The following TENM3 variants were observed in gnomAD, a reference collection of about 807,000 sequenced individuals.
TENM3 encodes teneurin transmembrane protein 3.
TENM3 carries 63 observed loss-of-function variants against 255.1 expected under a neutral mutation model. The ratio of observed to expected loss-of-function variants is 0.25; its 90% CI spans 0.20 to 0.30. The LOEUF (loss-of-function observed/expected upper bound fraction) is 0.30, where lower values mean the gene tolerates loss of function less well. Ranked by LOEUF, TENM3 falls within the 10% of genes least tolerant of loss-of-function variation. The pLI is 1.00. For missense variants in TENM3, 2,929 were observed against 3,461.1 expected (o/e 0.85, Z 3.86); for synonymous variants, 1,306 against 1,322.3 (o/e 0.99, Z 0.27).
chr4:182,311,042 G>A (rs1053739181), intron 1 of TENM3, among the ~76,000 whole-genome samples: 5 of 152,204 alleles, frequency 3.3e-5, no homozygotes, highest in Non-Finnish European at 5.9e-5. Context: ...TACCAAGGCT[G>A]TGATGGAAGA....
chr4:181,941,162 C>T, the TENM3 span, among the ~76,000 whole-genome samples: 2 of 152,170 alleles, frequency 1.3e-5, no homozygotes, highest in Non-Finnish European at 2.9e-5. Flanking sequence ...CTACTAGCCA[C>T]GTATGAGATC....
chr4:181,525,806 C>T, the TENM3 span, among the ~76,000 whole-genome samples: 1 of 152,170 alleles, frequency 6.6e-6, no homozygotes, highest in Non-Finnish European at 1.5e-5. Context: ...ATGAGGGCAG[C>T]TGGGTGAGTG....
the TENM3 span, among the ~76,000 whole-genome samples, chr4:181,471,683 C>T: frequency 2.6e-5 from 4 of 152,126 alleles, no homozygotes; most frequent in East Asian, 1.9e-4. Flanking sequence ...TCCTAATATT[C>T]GCTATATAAG....
the TENM3 span, among the ~76,000 whole-genome samples, chr4:181,854,710 G>A: frequency 6.6e-6 from 1 of 152,056 alleles, no homozygotes; most frequent in African/African-American, 2.4e-5. Flanking sequence ...GGTCAGTAGG[G>A]CCCAAGAAGT....
intron 3 of TENM3, among the ~76,000 whole-genome samples, chr4:182,448,842 G>C (rs1307523223): frequency 6.6e-6 from 1 of 151,100 alleles, no homozygotes; most frequent in South Asian, 2.1e-4. Context: ...CGGCCGAGCC[G>C]GGGCGCTGGG....
intron 1 of TENM3, among the ~76,000 whole-genome samples, chr4:182,165,020 C>T (rs1751612120): frequency 6.6e-6 from 1 of 152,132 alleles, no homozygotes; most frequent in Non-Finnish European, 1.5e-5. Context: ...ACACTAATGC[C>T]AGGATTTTGC....
intron 3 of TENM3, among the ~76,000 whole-genome samples, chr4:182,499,262 A>C (rs1198510937): frequency 6.6e-6 from 1 of 152,240 alleles, no homozygotes. Context: ...TAGGGTAACA[A>C]AAAAGAAAAT....
At chr4:182,703,706 A>C (rs921250656) in intron 12 of TENM3, among the ~76,000 whole-genome samples, 9 of 152,230 alleles carry the variant, frequency 5.9e-5, no homozygotes, top group African/African-American at 2.2e-4. Context: ...AGTTAAAAGG[A>C]TTGTTCAGTT....
the TENM3 span, among the ~76,000 whole-genome samples, chr4:181,598,002 G>A: frequency 6.6e-6 from 1 of 152,256 alleles, no homozygotes; most frequent in Non-Finnish European, 1.5e-5. Flanking sequence ...ATCTCTGCAG[G>A]CTTCTGGCAG....
At chr4:182,719,853 G>C (rs187502281) in intron 13 of TENM3, among the ~76,000 whole-genome samples, 4 of 152,230 alleles carry the variant, frequency 2.6e-5, no homozygotes, top group Non-Finnish European at 4.4e-5. Context: ...TTGAGCCCAG[G>C]AGTTTGATAT....
chr4:181,883,126 C>CTTTT, the TENM3 span, among the ~76,000 whole-genome samples: 887 of 106,736 alleles, frequency 8.3e-3, 59 homozygotes, highest in African/African-American at 0.03. Flanking sequence ...TGCAATTAAT[C>CTTTT]TTTTTTTTTT....
chr4:182,608,487 C>T (rs1306528862), intron 4 of TENM3, among the ~76,000 whole-genome samples: 1 of 152,066 alleles, frequency 6.6e-6, no homozygotes, highest in Non-Finnish European at 1.5e-5. Flanking sequence ...GTTTATTTTC[C>T]ACGAGGTGCA....
Position 182,775,088 on chromosome 4 carries a change from G to A in TENM3, c.5239G>A (p.Val1747Met), listed in dbSNP as rs766315128. The A allele has an allele frequency of 6.2e-7, 1 of 1,613,910 alleles. No homozygotes were observed. Among genetic ancestry groups the A allele is most frequent in the Non-Finnish European group, 8.5e-7 (1 of 1,179,910 alleles). Reference sequence around the variant, plus strand: ...GCCTGGCGAGAACGGTCAAAACTTGGTGGAATGGAGATTCCGAAAAGAGCA... The same window carrying A: ...GCCTGGCGAGAACGGTCAAAACTTGATGGAATGGAGATTCCGAAAAGAGCA... ...TLPGENGQNL[V>M]EWRFRKEQAQ... is the part of the protein sequence containing the mutation. Residue 1747 changes from valine (V) to methionine (M), a missense_variant, in exon 24 of 28, where the codon GTG (valine) becomes ATG (methionine). This residue lies in a region of TENM3 where 303 missense variants were observed against 425.2 expected (regional missense o/e 0.71). Transcript: ENST00000511685.
At chr4:182,437,545 C>G (rs1234238902) in intron 3 of TENM3, among the ~76,000 whole-genome samples, 1 of 152,032 alleles carries the variant, frequency 6.6e-6, no homozygotes, top group African/African-American at 2.4e-5. Context: ...GCCTGTAATC[C>G]CAACACTTTG....
chr4:182,687,028 G>C (rs1320171718), intron 11 of TENM3, among the ~76,000 whole-genome samples: 2 of 152,100 alleles, frequency 1.3e-5, no homozygotes, highest in Non-Finnish European at 2.9e-5. Flanking sequence ...GCCTTGATAA[G>C]GTGTTTAGCC....
the TENM3 span, among the ~76,000 whole-genome samples, chr4:181,549,194 C>G: frequency 1.6e-4 from 25 of 152,284 alleles, no homozygotes; most frequent in Non-Finnish European, 2.8e-4. Context: ...CCAGAGGTCC[C>G]TTTGACTAGG....
intron 3 of TENM3, among the ~76,000 whole-genome samples, chr4:182,561,292 A>G (rs1196976907): frequency 6.6e-6 from 1 of 151,750 alleles, no homozygotes; most frequent in East Asian, 1.9e-4. Flanking sequence ...GTAAATAAAA[A>G]TGATTTTAAA....
intron 6 of TENM3, among the ~76,000 whole-genome samples, chr4:182,660,183 G>A (rs929501392): frequency 6.6e-6 from 1 of 152,168 alleles, no homozygotes; most frequent in African/African-American, 2.4e-5. Context: ...ATAAGGCAAG[G>A]ATCCTGTCTG....
chr4:182,089,414 G>A, the TENM3 span, among the ~76,000 whole-genome samples: 1 of 152,024 alleles, frequency 6.6e-6, no homozygotes, highest in Admixed American at 6.6e-5. Context: ...GATTGAAATG[G>A]GTATGCCCCA....
Sources: allele counts gnomAD v4.1 joint callset (sites outside exome capture counted in the v4.1 genomes callset), GRCh38; gene constraint gnomAD v4.1.1; regional missense constraint gnomAD v4.1.1; transcripts MANE v1.5; gene names NCBI Gene and HGNC (gene_info 2026-07-23, HGNC 2026-07-21).